Variants in CTNNA1 observed in about 807,000 individuals in gnomAD.
The protein encoded by CTNNA1 is catenin alpha 1.
CTNNA1 carries 37 observed loss-of-function variants against 98.4 expected under a neutral mutation model. The ratio of observed to expected loss-of-function variants is 0.38; its 90% CI spans 0.29 to 0.49. The LOEUF (loss-of-function observed/expected upper bound fraction) is 0.49, where lower values mean the gene tolerates loss of function less well. CTNNA1 is among the 20% of genes least tolerant of loss of function. The probability of loss-of-function intolerance (pLI) is 0.95; values close to 1 mark genes in which losing one functional copy is unlikely to be tolerated. For missense variants in CTNNA1, 761 were observed against 1,147.2 expected (o/e 0.66, Z 4.86); for synonymous variants, 404 against 413.2 (o/e 0.98, Z 0.27).
At chr5:138,880,508 CTCT>C (rs1236431062) in intron 7 of CTNNA1, among the ~76,000 whole-genome samples, 7 of 152,332 alleles carry the variant, frequency 4.6e-5, no homozygotes, top group Admixed American at 2.0e-4. Context: ...CCTTTTAAAA[CTCT>C]TCTTCTGCTA....
chr5:138,876,485 A>G, intron 7 of CTNNA1, among the ~76,000 whole-genome samples: 1 of 152,208 alleles, frequency 6.6e-6, no homozygotes, highest in East Asian at 1.9e-4. Context: ...AGTGTTATAT[A>G]AATGCAAAAG....
At chr5:138,820,286 T>G (rs1489723697) in intron 5 of CTNNA1, among the ~76,000 whole-genome samples, 4 of 152,006 alleles carry the variant, frequency 2.6e-5, no homozygotes, top group African/African-American at 9.6e-5. Flanking sequence ...GAAGGGAAGC[T>G]GTGGCCGCTC....
chr5:138,799,171 G>GT (rs1757278404), intron 3 of CTNNA1, among the ~76,000 whole-genome samples: 1 of 148,224 alleles, frequency 6.7e-6, no homozygotes, highest in Admixed American at 6.6e-5. Flanking sequence ...GCCACATTTT[G>GT]TTTTTTTAGA....
At chr5:138,862,381 A>G (rs1285288460) in intron 7 of CTNNA1, among the ~76,000 whole-genome samples, 2 of 152,230 alleles carry the variant, frequency 1.3e-5, no homozygotes, top group Non-Finnish European at 2.9e-5. Context: ...CGTAATAGTG[A>G]TCCTTAATTC....
chr5:138,800,799 G>T (rs558338425), intron 3 of CTNNA1, among the ~76,000 whole-genome samples: 1 of 151,478 alleles, frequency 6.6e-6, no homozygotes, highest in Admixed American at 6.6e-5. Flanking sequence ...GCAAAACTCC[G>T]TCTAAAAAAA....
chr5:138,917,841 G>T lies in CTNNA1; in HGVS notation c.1489G>T (p.Val497Phe). Residue 497 changes from valine to phenylalanine, a missense_variant, in exon 11 of 18, where the codon GTT becomes TTT. Val to Phe is a conservative substitution (Grantham distance 50, BLOSUM62 -1). Coordinates refer to ENST00000302763, the MANE Select transcript of CTNNA1 (RefSeq NM_001903.5). ...FKEQWEKQVR[V>F]LTDAVDDITS... ...AGAACAATGGGAAAAACAAGTCCGT[G>T]TTCTCACAGATGCTGTCGATGACAT... 1 of 1,614,206 alleles carries T rather than the reference G, an allele frequency of 6.2e-7. No individual in the cohort carries two copies. The highest frequency in any genetic ancestry group is 8.5e-7 in the Non-Finnish European group (1 of 1,180,030).
At chr5:138,824,269 A>G (rs984552099) in intron 5 of CTNNA1, among the ~76,000 whole-genome samples, 5 of 152,154 alleles carry the variant, frequency 3.3e-5, no homozygotes, top group Admixed American at 2.0e-4. Context: ...AGGGTTTAAA[A>G]TAAGGTCATA....
chr5:138,851,737 C>T (rs1001352225), intron 7 of CTNNA1, among the ~76,000 whole-genome samples: 8 of 151,110 alleles, frequency 5.3e-5, no homozygotes, highest in Admixed American at 2.0e-4. Context: ...CCAGCCTGGG[C>T]ACAGAGTATG....
At chr5:138,895,369 G>A (rs1756549838) in intron 9 of CTNNA1, among the ~76,000 whole-genome samples, 1 of 152,206 alleles carries the variant, frequency 6.6e-6, no homozygotes, top group Non-Finnish European at 1.5e-5. Flanking sequence ...AAAGAGCGTT[G>A]TAATGCATCT....
chr5:138,815,049 G>T (rs183606767), intron 5 of CTNNA1, among the ~76,000 whole-genome samples: 1 of 152,154 alleles, frequency 6.6e-6, no homozygotes, highest in African/African-American at 2.4e-5. Flanking sequence ...ACCACACTCT[G>T]TCTGGAATTT....
At position 138,919,657 on chromosome 5, in the gene CTNNA1, C is replaced by G. The variant is rs751450311; in HGVS notation, c.1546+1759C>G. ...TTGATTTGATGGAAAGGAGTTTAGA[C>G]AGTTTCTATTTAGCAAATAAAATCA... On this transcript the variant is annotated intron_variant, in intron 11 of 17. Transcript: ENST00000302763. 1.1e-3 allele frequency among the ~76,000 whole-genome samples: 161 copies of G among 152,300 alleles called. No homozygotes were observed. The highest frequency in any genetic ancestry group is 3.4e-3 in the Middle Eastern group (1 of 294).
intron 3 of CTNNA1, among the ~76,000 whole-genome samples, chr5:138,802,957 T>G (rs946470329): frequency 4.5e-5 from 5 of 110,004 alleles, no homozygotes; most frequent in African/African-American, 1.3e-4. Context: ...ACCGCCACAC[T>G]TAGCTAATTA....
rs12110165 is a variant in CTNNA1, at chr5:138,835,621, T to C, written c.1062+7903T>C. ...GCTTTTTTGACAGCGGCATTTATTTTTATTTTTTATTTAATAAATTTTATT... is the reference window on the plus strand; with the variant it reads ...GCTTTTTTGACAGCGGCATTTATTTCTATTTTTTATTTAATAAATTTTATT... On this transcript the variant is annotated intron_variant, in intron 7 of 17. Transcript: ENST00000302763. Among the ~76,000 whole-genome samples, 107 of 152,302 alleles carry C rather than the reference T, an allele frequency of 7.0e-4. 1 individual carries two copies. Among genetic ancestry groups the C allele is most frequent in the African/African-American group, 2.4e-3 (101 of 41,576 alleles).
chr5:138,770,780 G>A (rs995061150), intron 1 of CTNNA1, among the ~76,000 whole-genome samples: 3 of 152,096 alleles, frequency 2.0e-5, no homozygotes, highest in Non-Finnish European at 4.4e-5. Flanking sequence ...GTGAAACCCC[G>A]TCTCTACTAA....
In CTNNA1 at chr5:138,803,427, A is replaced by G. The variant is rs139001677; in HGVS notation, c.302-6611A>G. ...TGCCTGGACTTTTCAAAGTGCTGAGATCACAGATGTGAGCCACCGTGTCTG... is the reference window on the plus strand; with the variant it reads ...TGCCTGGACTTTTCAAAGTGCTGAGGTCACAGATGTGAGCCACCGTGTCTG... On this transcript the variant is annotated intron_variant, in intron 3 of 17. Coordinates refer to ENST00000302763, the MANE Select transcript of CTNNA1 (RefSeq NM_001903.5). Among the ~76,000 whole-genome samples the G allele has an allele frequency of 2.9e-3, 444 of 152,320 alleles. 3 individuals carry two copies. The highest frequency in any genetic ancestry group is 0.01 in the African/African-American group (417 of 41,566).
chr5:138,872,815 C>T, intron 7 of CTNNA1: 1 of 471,332 alleles, frequency 2.1e-6, no homozygotes, highest in African/African-American at 2.0e-5. Flanking sequence ...TTAATGTGAG[C>T]ATTGATTCAT....
At chr5:138,812,534 C>G (rs762501437) in intron 5 of CTNNA1, among the ~76,000 whole-genome samples, 1 of 152,094 alleles carries the variant, frequency 6.6e-6, no homozygotes, top group African/African-American at 2.4e-5. Context: ...TCTTAAGTAG[C>G]TTGACAACTT....
At chr5:138,841,676 TAAGG>T (rs1762283295) in intron 7 of CTNNA1, among the ~76,000 whole-genome samples, 1 of 152,222 alleles carries the variant, frequency 6.6e-6, no homozygotes, top group Admixed American at 6.5e-5. Flanking sequence ...TTTGGAAACA[TAAGG>T]AAGATATTTC....
chr5:138,827,407 GT>G, intron 6 of CTNNA1, 107 bp from the exon 7 acceptor site: 1 of 1,258,556 alleles, frequency 7.9e-7, no homozygotes, highest in South Asian at 1.3e-5. Flanking sequence ...TCTTTCAGAT[GT>G]TGGAATTTTT....
Sources: allele counts gnomAD v4.1 joint callset (sites outside exome capture counted in the v4.1 genomes callset), GRCh38; gene constraint gnomAD v4.1.1; transcripts MANE v1.5; gene names NCBI Gene and HGNC (gene_info 2026-07-23, HGNC 2026-07-21).